The following PRKAR1A variants were observed in gnomAD, a reference collection of about 807,000 sequenced individuals.
PRKAR1A encodes protein kinase cAMP-dependent type I regulatory subunit alpha.
Under a neutral mutation model 52.0 loss-of-function variants are expected in PRKAR1A, and 3 were observed. That is an observed-to-expected ratio of 0.06 (90% CI 0.03 to 0.15). The LOEUF (loss-of-function observed/expected upper bound fraction) is 0.15. Among genes scored for constraint, PRKAR1A ranks in the 10% least tolerant of loss-of-function variants. The pLI is 1.00. For missense variants in PRKAR1A, 240 were observed against 477.4 expected, an observed-to-expected ratio of 0.50 and a Z score of 4.63; for synonymous variants, 188 against 168.4, an observed-to-expected ratio of 1.12 and a Z score of -0.90.
At chr17:68,535,779 G>A (rs1347072813), downstream of PRKAR1A, 1 of 453,728 alleles carries the variant, frequency 2.2e-6, no homozygotes, top group Non-Finnish European at 4.4e-6. Context: ...AAAGTGCTGG[G>A]ATTACAGGTG....
chr17:68,491,657 G>A, the PRKAR1A span, among the ~76,000 whole-genome samples: 2 of 152,060 alleles, frequency 1.3e-5, no homozygotes, highest in Admixed American at 6.5e-5. Context: ...AGCAGACCTC[G>A]GATTCAAGAG....
the PRKAR1A span, among the ~76,000 whole-genome samples, chr17:68,488,729 C>CA: frequency 1.7e-5 from 1 of 58,092 alleles, no homozygotes; most frequent in Non-Finnish European, 3.2e-5. Flanking sequence ...GACTCCATCT[C>CA]AAAACAAAAA....
chr17:68,521,011 G>A (rs1195092087), intron 2 of PRKAR1A, among the ~76,000 whole-genome samples: 1 of 151,952 alleles, frequency 6.6e-6, no homozygotes, highest in Non-Finnish European at 1.5e-5. Flanking sequence ...GTGCAATCTC[G>A]GCTCACTGCA....
intron 11 of PRKAR1A, among the ~76,000 whole-genome samples, chr17:68,545,019 T>G (rs80279138): frequency 0.028 from 4,325 of 152,334 alleles, 183 homozygotes; most frequent in African/African-American, 0.098. Context: ...AATATAAATC[T>G]TTATGTTCCT....
intron 1 of PRKAR1A, 127 bp from the exon 2 acceptor site, chr17:68,515,267 T>A: frequency 9.2e-7 from 1 of 1,081,600 alleles, no homozygotes; most frequent in Non-Finnish European, 1.4e-6. Flanking sequence ...CTTCCCTGTT[T>A]AAAAACAAAA....
At chr17:68,484,336 A>G in the PRKAR1A span, among the ~76,000 whole-genome samples, 1 of 152,162 alleles carries the variant, frequency 6.6e-6, no homozygotes, top group African/African-American at 2.4e-5. Context: ...TGTATTTTTG[A>G]TAGTATTAGA....
chr17:68,524,551 C>T (rs1047029369), intron 5 of PRKAR1A, among the ~76,000 whole-genome samples: 4 of 151,960 alleles, frequency 2.6e-5, no homozygotes, highest in Admixed American at 2.6e-4. Flanking sequence ...CTTATTTATT[C>T]TTGACATTTT....
chr17:68,540,750 C>A, intron 11 of PRKAR1A: 1 of 1,436,656 alleles, frequency 7.0e-7, no homozygotes, highest in South Asian at 1.2e-5. Context: ...GTTACTCAGT[C>A]CTCATGAACC....
chr17:68,471,358 A>G, the PRKAR1A span, among the ~76,000 whole-genome samples: 1 of 152,132 alleles, frequency 6.6e-6, no homozygotes, highest in African/African-American at 2.4e-5. Flanking sequence ...TGCACTGGTA[A>G]CTGGTTGCTT....
intron 7 of PRKAR1A, among the ~76,000 whole-genome samples, chr17:68,526,791 AG>A (rs1237896098): frequency 6.6e-6 from 1 of 152,162 alleles, no homozygotes; most frequent in Non-Finnish European, 1.5e-5. Context: ...GAAGAGGGAG[AG>A]GATCAGGAAA....
the PRKAR1A span, among the ~76,000 whole-genome samples, chr17:68,438,220 C>G: frequency 6.6e-6 from 1 of 150,880 alleles, no homozygotes; most frequent in Admixed American, 6.6e-5. Flanking sequence ...GGCTGAGCCC[C>G]GGAACCTTTA....
At chr17:68,430,079 C>T in the PRKAR1A span, 182 of 1,614,070 alleles carry the variant, frequency 1.1e-4, no homozygotes, top group Non-Finnish European at 1.5e-4. Context: ...TCATGTCTGA[C>T]ACCTGGGTAG....
At chr17:68,474,732 A>G in the PRKAR1A span, among the ~76,000 whole-genome samples, 2 of 152,158 alleles carry the variant, frequency 1.3e-5, no homozygotes, top group Non-Finnish European at 2.9e-5. Context: ...CGTGCCTACT[A>G]AAAATACAAA....
exon 12 of PRKAR1A, chr17:68,551,159 G>T: frequency 8.1e-7 from 1 of 1,227,086 alleles, no homozygotes; most frequent in South Asian, 4.1e-5. Context: ...ACCCTAACCT[G>T]TGGGCTGCAG....
chr17:68,498,537 T>C, the PRKAR1A span, among the ~76,000 whole-genome samples: 2 of 152,288 alleles, frequency 1.3e-5, no homozygotes, highest in Admixed American at 6.5e-5. Flanking sequence ...TGTCAGGCAC[T>C]GGGTACAGTC....
chr17:68,437,016 ATGTG>A, the PRKAR1A span, among the ~76,000 whole-genome samples: 7 of 144,662 alleles, frequency 4.8e-5, no homozygotes, highest in East Asian at 1.4e-3. Context: ...ATATATATAT[ATGTG>A]TGTGTGTGTG....
chr17:68,426,250 G>GGGGGGGGGGGGGGGGT, the PRKAR1A span: 5 of 828,060 alleles, frequency 6.0e-6, 1 homozygote, highest in Non-Finnish European at 9.6e-6. Context: ...GGTGGGGAGC[G>GGGGGGGGGGGGGGGGT]GGGGCTCAAA....
chr17:68,515,645 C>T, intron 2 of PRKAR1A, 69 bp downstream of exon 2: 30 of 1,512,048 alleles, frequency 2.0e-5, no homozygotes, highest in South Asian at 9.5e-5. Flanking sequence ...TGGAATGTTA[C>T]TAATTTGTAT....
downstream of PRKAR1A, among the ~76,000 whole-genome samples, chr17:68,534,834 G>A (rs1464076977): frequency 2.0e-5 from 3 of 152,180 alleles, no homozygotes; most frequent in Non-Finnish European, 4.4e-5. Flanking sequence ...GCAAGATTAT[G>A]TATTGATCGG....
Sources: gnomAD v4.1 joint callset for allele counts (sites outside exome capture counted in the v4.1 genomes callset) on GRCh38, gnomAD v4.1.1 for gene constraint, MANE v1.5 for transcripts, NCBI Gene and HGNC (gene_info 2026-07-23, HGNC 2026-07-21) for gene names.